The following FAT3 variants were observed in gnomAD, a reference collection of about 807,000 sequenced individuals.
The protein encoded by FAT3 is FAT atypical cadherin 3.
A neutral mutation model predicts 310.2 loss-of-function variants in FAT3; 95 were observed. That is an observed-to-expected ratio of 0.31 (90% CI 0.26 to 0.36). FAT3 has a LOEUF of 0.36. Among genes scored for constraint, FAT3 ranks in the 10% least tolerant of loss-of-function variants. FAT3 has a pLI of 1.00. For synonymous variants in FAT3, 2,314 were observed against 2,192.9 expected (o/e 1.06, Z -1.54); for missense variants, 5,408 against 5,715.6 (o/e 0.95, Z 1.74).
At chr11:92,734,989 T>C (rs1945300070) in intron 4 of FAT3, among the ~76,000 whole-genome samples, 1 of 152,064 alleles carries the variant, frequency 6.6e-6, no homozygotes, top group Non-Finnish European at 1.5e-5. Flanking sequence ...AGAGGATAGA[T>C]TTTAGATAGT....
rs575213388 is a variant in FAT3, at chr11:92,245,168, A to G, written c.-18+19994A>G. ...TGGAATACTATGCAGCCATAAAAAA[A>G]GGATGAGTTCATGTCCTTTTCAGGG... On this transcript the variant is annotated intron_variant, in intron 1 of 27. Transcript: ENST00000525166. 1.2e-3 allele frequency among the ~76,000 whole-genome samples: 177 copies of G among 152,280 alleles called. 1 individual carries two copies. Among genetic ancestry groups the G allele is most frequent in the African/African-American group, 4.2e-3 (173 of 41,572 alleles).
At chr11:92,227,686 C>T (rs983664432) in intron 1 of FAT3, among the ~76,000 whole-genome samples, 23 of 151,528 alleles carry the variant, frequency 1.5e-4, no homozygotes, top group African/African-American at 5.6e-4. Context: ...ATTTGAGAGA[C>T]TGAGATTCTT....
chr11:92,795,047 C>T (rs1947133827), intron 9 of FAT3, among the ~76,000 whole-genome samples: 1 of 152,168 alleles, frequency 6.6e-6, no homozygotes. Flanking sequence ...TTTCCTGTCT[C>T]CTGCCTGTCC....
intron 1 of FAT3, among the ~76,000 whole-genome samples, chr11:92,323,217 A>C (rs1471956544): frequency 6.6e-6 from 1 of 151,866 alleles, no homozygotes; most frequent in African/African-American, 2.4e-5. Flanking sequence ...ATACATATAC[A>C]TACATATATA....
intron 1 of FAT3, among the ~76,000 whole-genome samples, chr11:92,328,594 C>T (rs931414127): frequency 5.3e-5 from 8 of 152,330 alleles, no homozygotes; most frequent in African/African-American, 1.9e-4. Context: ...CTCAAGTCTT[C>T]CCATCCAATG....
chr11:92,327,480 A>G (rs1304138174), intron 1 of FAT3, among the ~76,000 whole-genome samples: 1 of 152,216 alleles, frequency 6.6e-6, no homozygotes, highest in African/African-American at 2.4e-5. Context: ...AAATATTTTA[A>G]AAACGCTTAC....
intron 7 of FAT3, among the ~76,000 whole-genome samples, chr11:92,776,306 T>C (rs1471997076): frequency 6.6e-6 from 1 of 152,228 alleles, no homozygotes; most frequent in Non-Finnish European, 1.5e-5. Context: ...GCAGCAGATA[T>C]GCTGGATCTC....
chr11:92,336,443 C>T, intron 1 of FAT3: 1 of 317,646 alleles, frequency 3.1e-6, no homozygotes, highest in South Asian at 3.0e-5. Flanking sequence ...GCCTTTGCAT[C>T]ACCACTGCCG....
At chr11:92,355,587 A>T (rs1049170846) in intron 2 of FAT3, among the ~76,000 whole-genome samples, 183 bp downstream of exon 2, 4 of 152,268 alleles carry the variant, frequency 2.6e-5, no homozygotes, top group Admixed American at 2.6e-4. Flanking sequence ...TCTGTTTATA[A>T]ACTAACAGCT....
chr11:92,512,557 A>C (rs1591385277), intron 2 of FAT3, among the ~76,000 whole-genome samples: 1 of 147,226 alleles, frequency 6.8e-6, no homozygotes, highest in South Asian at 2.1e-4. Flanking sequence ...ATATATATAA[A>C]TATATATAAA....
chr11:92,793,486 G>A lies in FAT3; in HGVS notation c.4822+509G>A, dbSNP rs1195149638. Among the ~76,000 whole-genome samples, 5 of 152,106 alleles carry A rather than the reference G, an allele frequency of 3.3e-5. No individual in the cohort carries two copies. The East Asian group carries it at 9.6e-4, about 29-fold the overall frequency. On this transcript the variant is annotated intron_variant, in intron 9 of 27. Transcript: ENST00000525166. ...AGTAGCAGAGTAGATGGTAGATATG[G>A]AGTCTGAACTGCTTGCTGAACCTGA... is the stretch of plus-strand genomic sequence containing the variant.
chr11:92,670,396 T>A (rs1035122657), intron 3 of FAT3, among the ~76,000 whole-genome samples: 1 of 152,220 alleles, frequency 6.6e-6, no homozygotes, highest in African/African-American at 2.4e-5. Flanking sequence ...ACAAAATCAC[T>A]GTGCAGCCTT....
At chr11:92,527,496 C>T (rs1591404132) in intron 3 of FAT3, among the ~76,000 whole-genome samples, 1 of 152,160 alleles carries the variant, frequency 6.6e-6, no homozygotes, top group African/African-American at 2.4e-5. Flanking sequence ...ACCTTGCTTA[C>T]TCTGCAAGGG....
intron 2 of FAT3, among the ~76,000 whole-genome samples, chr11:92,494,274 G>A (rs770211717): frequency 6.6e-6 from 1 of 151,970 alleles, no homozygotes; most frequent in African/African-American, 2.4e-5. Context: ...AATTCCAGAT[G>A]AGATTTGGTT....
chr11:92,721,447 A>G (rs1208139051), intron 4 of FAT3, among the ~76,000 whole-genome samples: 1 of 152,230 alleles, frequency 6.6e-6, no homozygotes, highest in Non-Finnish European at 1.5e-5. Context: ...AATTTTTTTA[A>G]ACAGCTCTGT....
intron 2 of FAT3, among the ~76,000 whole-genome samples, chr11:92,422,453 A>G (rs933821360): frequency 6.6e-6 from 1 of 152,156 alleles, no homozygotes; most frequent in Non-Finnish European, 1.5e-5. Context: ...GCCAAACTCC[A>G]TCTTGAAGCT....
intron 2 of FAT3, among the ~76,000 whole-genome samples, chr11:92,445,394 T>C (rs2135096968): frequency 6.6e-6 from 1 of 152,132 alleles, no homozygotes; most frequent in Non-Finnish European, 1.5e-5. Flanking sequence ...TCCGATACTG[T>C]TTGGGTTGAG....
At chr11:92,727,366 G>A (rs762810280) in intron 4 of FAT3, among the ~76,000 whole-genome samples, 2 of 152,002 alleles carry the variant, frequency 1.3e-5, no homozygotes, top group African/African-American at 2.4e-5. Context: ...GACTTCATGG[G>A]AGATACAGCC....
At chr11:92,600,008 T>C (rs962523913) in intron 3 of FAT3, among the ~76,000 whole-genome samples, 2 of 152,204 alleles carry the variant, frequency 1.3e-5, no homozygotes, top group African/African-American at 4.8e-5. Context: ...TTGAGGGAGA[T>C]AGGTTGTTGG....
Sources: gnomAD v4.1 joint callset for allele counts (sites outside exome capture counted in the v4.1 genomes callset) on GRCh38, gnomAD v4.1.1 for gene constraint, MANE v1.5 for transcripts, NCBI Gene and HGNC (gene_info 2026-07-23, HGNC 2026-07-21) for gene names.